Variants in FSTL4 observed in about 807,000 individuals in gnomAD.
FSTL4 encodes follistatin like 4, also known as follistatin-related protein 4.
A neutral mutation model predicts 78.2 loss-of-function variants in FSTL4; 28 were observed. The observed-to-expected ratio is 0.36, with a 90% CI of 0.27 to 0.49. The LOEUF (loss-of-function observed/expected upper bound fraction) is 0.49, where lower values mean the gene tolerates loss of function less well. Ranked by LOEUF, FSTL4 falls within the 20% of genes least tolerant of loss-of-function variation. The pLI is 0.98. For synonymous variants in FSTL4, 422 were observed against 440.5 expected (o/e 0.96, Z 0.53); for missense variants, 922 against 1,084.9 (o/e 0.85, Z 2.11).
the FSTL4 span, among the ~76,000 whole-genome samples, chr5:133,826,754 C>G: frequency 6.6e-6 from 1 of 152,254 alleles, no homozygotes; most frequent in African/African-American, 2.4e-5. Flanking sequence ...GTAGATACAT[C>G]TTTTGGGGGA....
At chr5:133,742,681 T>C in the FSTL4 span, among the ~76,000 whole-genome samples, 2 of 152,032 alleles carry the variant, frequency 1.3e-5, no homozygotes, top group African/African-American at 2.4e-5. Context: ...AACCAGATAA[T>C]AGGCAGAACA....
intron 3 of FSTL4, among the ~76,000 whole-genome samples, chr5:133,505,475 G>A (rs1002158980): frequency 6.6e-6 from 1 of 152,170 alleles, no homozygotes; most frequent in Non-Finnish European, 1.5e-5. Context: ...AGTAGGTGCC[G>A]AAGACAAGAT....
the FSTL4 span, among the ~76,000 whole-genome samples, chr5:133,755,988 C>A: frequency 6.6e-6 from 1 of 152,188 alleles, no homozygotes; most frequent in Non-Finnish European, 1.5e-5. Context: ...AAACAAGAAG[C>A]AAAATGCAAC....
rs552481084 is a variant in FSTL4 at position 133,521,024 on chromosome 5, A to G, written c.160+46162T>C. Among the ~76,000 whole-genome samples the G allele has an allele frequency of 4.6e-5, 7 of 150,900 alleles. No homozygotes were observed. The South Asian group carries it at 1.5e-3, about 32-fold the overall frequency. ...TCTGAAGTTTGTTTAAAAACTTTAAAAAGTAACTACCTTAAAGAAATTTTT... is the reference window on the plus strand; with the variant it reads ...TCTGAAGTTTGTTTAAAAACTTTAAGAAGTAACTACCTTAAAGAAATTTTT... On this transcript the variant is annotated intron_variant, in intron 3 of 15. Coordinates refer to ENST00000265342, the MANE Select transcript of FSTL4 (RefSeq NM_015082.2).
At chr5:133,754,510 C>T in the FSTL4 span, among the ~76,000 whole-genome samples, 3 of 152,110 alleles carry the variant, frequency 2.0e-5, no homozygotes, top group East Asian at 5.8e-4. Flanking sequence ...TTCAATCCTC[C>T]CTGTATAGTT....
At chr5:133,721,347 G>T in the FSTL4 span, among the ~76,000 whole-genome samples, 2 of 151,984 alleles carry the variant, frequency 1.3e-5, no homozygotes, top group Non-Finnish European at 2.9e-5. Context: ...TCTGGATCTG[G>T]CTACACATTT....
chr5:133,344,400 C>T (rs1426746929), intron 4 of FSTL4, among the ~76,000 whole-genome samples: 1 of 152,124 alleles, frequency 6.6e-6, no homozygotes, highest in African/African-American at 2.4e-5. Context: ...GAATAAAGAA[C>T]ATTATCAACA....
At chr5:133,239,702 G>C (rs1165499851) in intron 7 of FSTL4, among the ~76,000 whole-genome samples, 2 of 152,198 alleles carry the variant, frequency 1.3e-5, no homozygotes, top group Non-Finnish European at 2.9e-5. Flanking sequence ...CCTGTGTCTA[G>C]CTCAGGGTTT....
chr5:133,814,509 G>C, the FSTL4 span, among the ~76,000 whole-genome samples: 3 of 152,132 alleles, frequency 2.0e-5, no homozygotes, highest in African/African-American at 7.2e-5. Flanking sequence ...TAAGATGATG[G>C]AGAAAAACAC....
chr5:133,813,151 T>C, the FSTL4 span, among the ~76,000 whole-genome samples: 2 of 152,148 alleles, frequency 1.3e-5, no homozygotes, highest in African/African-American at 4.8e-5. Context: ...GAGTCCACTC[T>C]CCTCCACACT....
At position 133,399,803 on chromosome 5, in the gene FSTL4, T is replaced by G. The variant is rs553412809; in HGVS notation, c.409+935A>C. On this transcript the variant is annotated intron_variant, in intron 4 of 15. Transcript: ENST00000265342. ...TGACCTCACATAACTCCAAGTGGGC[T>G]CTCGTAGCTCAGGCTATGTGGGCCT... is the stretch of plus-strand genomic sequence containing the variant. Among the ~76,000 whole-genome samples, 128 of 152,342 alleles carry G rather than the reference T, an allele frequency of 8.4e-4. 1 individual carries two copies. Among genetic ancestry groups the G allele is most frequent in the African/African-American group, 2.9e-3 (120 of 41,594 alleles).
intron 3 of FSTL4, among the ~76,000 whole-genome samples, chr5:133,561,476 T>C (rs1473242724): frequency 1.3e-5 from 2 of 152,112 alleles, no homozygotes; most frequent in African/African-American, 4.8e-5. Context: ...TCTGGTGTCA[T>C]TCTGGGGGAA....
At chr5:133,311,388 G>A (rs1006129320) in intron 6 of FSTL4, among the ~76,000 whole-genome samples, 20 of 152,142 alleles carry the variant, frequency 1.3e-4, no homozygotes, top group Non-Finnish European at 1.6e-4. Context: ...ATCAAGCAAA[G>A]CTCTGGAACC....
At chr5:133,663,956 G>T in the FSTL4 span, among the ~76,000 whole-genome samples, 2 of 152,166 alleles carry the variant, frequency 1.3e-5, no homozygotes, top group Admixed American at 6.5e-5. Flanking sequence ...GTATATGGGT[G>T]GGGGGATGTA....
intron 6 of FSTL4, among the ~76,000 whole-genome samples, chr5:133,311,069 G>T (rs1403053564): frequency 6.6e-6 from 1 of 152,186 alleles, no homozygotes; most frequent in Non-Finnish European, 1.5e-5. Context: ...TATGTGTGGT[G>T]TGAATTTCTA....
chr5:133,765,817 C>A, the FSTL4 span, among the ~76,000 whole-genome samples: 135,304 of 152,232 alleles, frequency 0.89, 60,349 homozygotes, highest in African/African-American at 0.97. Context: ...ATGCCATTAC[C>A]CTGAAAATTC....
At position 133,236,602 on chromosome 5, in the gene FSTL4, C is replaced by A. The variant is rs58255401; in HGVS notation, c.895-3065G>T. Among the ~76,000 whole-genome samples the A allele has an allele frequency of 0.11, 16,840 of 152,208 alleles. 999 individuals carry two copies. The highest frequency in any genetic ancestry group is 0.16 in the Admixed American group (2,442 of 15,294). ...TGATGCCAGGGACCCCGGCTTCCGG[C>A]CCACAGACTCTGCCCTGAGCCAGCC... is the stretch of plus-strand genomic sequence containing the variant. On this transcript the variant is annotated intron_variant, in intron 7 of 15. Coordinates refer to ENST00000265342, the MANE Select transcript of FSTL4 (RefSeq NM_015082.2). The surrounding 1 kb of genome is among the most constrained non-coding windows in gnomAD (Gnocchi z 5.0).
rs959974616 is a variant in FSTL4, at chr5:133,502,406, C to G, written c.160+64780G>C. On this transcript the variant is annotated intron_variant, in intron 3 of 15. Coordinates refer to ENST00000265342, the MANE Select transcript of FSTL4 (RefSeq NM_015082.2). ...GAAGAATGCAGGTGACTTTTAGGAGCAGAGAGCATCCCCTAGCTAATAGTC... is the reference window on the plus strand; with the variant it reads ...GAAGAATGCAGGTGACTTTTAGGAGGAGAGAGCATCCCCTAGCTAATAGTC... Among the ~76,000 whole-genome samples the G allele has an allele frequency of 7.2e-5, 11 of 152,158 alleles. No homozygotes were observed. The East Asian group carries it at 1.3e-3, about 19-fold the overall frequency.
chr5:133,213,025 T>G (rs1006147742), intron 13 of FSTL4, among the ~76,000 whole-genome samples: 2 of 152,010 alleles, frequency 1.3e-5, no homozygotes, highest in African/African-American at 2.4e-5. Flanking sequence ...TTTTTTTTTT[T>G]TTTTTGAGAC....
Sources: allele counts gnomAD v4.1 joint callset (sites outside exome capture counted in the v4.1 genomes callset), GRCh38; gene constraint gnomAD v4.1.1; non-coding constraint Gnocchi (gnomAD v3.1); transcripts MANE v1.5; gene names NCBI Gene and HGNC (gene_info 2026-07-23, HGNC 2026-07-21).